The following HYCC1 variants were observed in gnomAD, a reference collection of about 807,000 sequenced individuals.
HYCC1 encodes hyccin.
the HYCC1 span, among the ~76,000 whole-genome samples, chr7:22,926,239 T>C: frequency 2.0e-5 from 3 of 151,966 alleles, no homozygotes; most frequent in African/African-American, 4.8e-5. Context: ...TGCCAAATTG[T>C]AAAGACCATC....
At chr7:22,935,792 T>A in the HYCC1 span, 1 of 151,964 alleles carries the variant, frequency 6.6e-6, no homozygotes, top group African/African-American at 2.4e-5. Flanking sequence ...ATTACAGGCA[T>A]GTGCTACCAG....
the HYCC1 span, among the ~76,000 whole-genome samples, chr7:22,905,393 T>TC: frequency 2.2e-5 from 3 of 138,954 alleles, no homozygotes; most frequent in African/African-American, 8.2e-5. Context: ...TGTATTTTTT[T>TC]TTTTTTTTTT....
chr7:22,895,847 G>A, the HYCC1 span, among the ~76,000 whole-genome samples: 1 of 152,240 alleles, frequency 6.6e-6, no homozygotes, highest in Admixed American at 6.5e-5. Flanking sequence ...CAGCAAGGCT[G>A]TGAAGCTGTT....
the HYCC1 span, among the ~76,000 whole-genome samples, chr7:22,966,152 T>G: frequency 9.9e-5 from 15 of 152,230 alleles, no homozygotes; most frequent in African/African-American, 3.6e-4. Context: ...AATAGGCGTA[T>G]AGTGTGTGTC....
the HYCC1 span, among the ~76,000 whole-genome samples, chr7:22,910,272 T>A: frequency 7.2e-5 from 11 of 152,160 alleles, no homozygotes; most frequent in Non-Finnish European, 1.5e-4. Context: ...ATGAGTGAGT[T>A]CTCATTCTGT....
chr7:22,906,222 G>C, the HYCC1 span, among the ~76,000 whole-genome samples: 2 of 152,102 alleles, frequency 1.3e-5, no homozygotes, highest in Non-Finnish European at 2.9e-5. Flanking sequence ...TTATTCTAAA[G>C]AGGTGGCATT....
the HYCC1 span, among the ~76,000 whole-genome samples, chr7:23,005,618 C>T: frequency 6.6e-6 from 1 of 152,098 alleles, no homozygotes; most frequent in African/African-American, 2.4e-5. Flanking sequence ...ATTCCTTAAC[C>T]CCTTTTACAG....
the HYCC1 span, among the ~76,000 whole-genome samples, chr7:22,968,394 T>A: frequency 6.6e-4 from 100 of 152,262 alleles, no homozygotes; most frequent in African/African-American, 2.3e-3. Context: ...CCATAGGAAA[T>A]GGCAGAATCC....
chr7:22,972,915 A>G, the HYCC1 span, among the ~76,000 whole-genome samples: 1 of 152,152 alleles, frequency 6.6e-6, no homozygotes, highest in African/African-American at 2.4e-5. Flanking sequence ...TGTTTTAATT[A>G]TTTTCATAAC....
At chr7:22,901,582 A>G in the HYCC1 span, among the ~76,000 whole-genome samples, 1 of 152,140 alleles carries the variant, frequency 6.6e-6, no homozygotes, top group Non-Finnish European at 1.5e-5. Flanking sequence ...TCTAGCCCCA[A>G]CTAAGATGGT....
the HYCC1 span, among the ~76,000 whole-genome samples, chr7:22,971,004 G>T: frequency 6.6e-6 from 1 of 152,110 alleles, no homozygotes; most frequent in Non-Finnish European, 1.5e-5. Context: ...ATCCTTTCCG[G>T]AAGGTGTATT....
the HYCC1 span, chr7:22,960,493 G>A: frequency 1.3e-5 from 15 of 1,158,010 alleles, no homozygotes; most frequent in Non-Finnish European, 1.9e-5. Context: ...GATAAAACAT[G>A]ATGCTAAACA....
the HYCC1 span, among the ~76,000 whole-genome samples, chr7:22,962,007 T>C: frequency 6.6e-6 from 1 of 152,016 alleles, no homozygotes; most frequent in Non-Finnish European, 1.5e-5. Context: ...ATAAATTACA[T>C]CAAGAGTGCA....
chr7:23,007,817 C>CA, the HYCC1 span, among the ~76,000 whole-genome samples: 1 of 151,938 alleles, frequency 6.6e-6, no homozygotes, highest in African/African-American at 2.4e-5. Flanking sequence ...ATTCATCAAC[C>CA]AATAGGTAAA....
the HYCC1 span, chr7:22,960,448 TGAGCAGATA>T: frequency 1.3e-6 from 2 of 1,561,716 alleles, no homozygotes; most frequent in African/African-American, 2.8e-5. Context: ...AAGATCAACA[TGAGCAGATA>T]GAGCAGATAT....
chr7:22,998,278 T>G, the HYCC1 span, among the ~76,000 whole-genome samples: 5 of 152,196 alleles, frequency 3.3e-5, no homozygotes, highest in African/African-American at 1.2e-4. Context: ...GGATTTCTAT[T>G]GCAAATATTC....
chr7:22,924,831 G>A, the HYCC1 span, among the ~76,000 whole-genome samples: 2 of 152,234 alleles, frequency 1.3e-5, no homozygotes, highest in Non-Finnish European at 2.9e-5. Context: ...TTTGAAGAGA[G>A]TAGTGGTTCT....
At chr7:22,993,242 A>C in the HYCC1 span, among the ~76,000 whole-genome samples, 1 of 152,206 alleles carries the variant, frequency 6.6e-6, no homozygotes, top group Admixed American at 6.5e-5. Flanking sequence ...AAATAAAAAC[A>C]GTTTCAGTTG....
the HYCC1 span, among the ~76,000 whole-genome samples, chr7:22,950,593 T>G: frequency 2.2e-4 from 34 of 152,146 alleles, no homozygotes; most frequent in African/African-American, 6.5e-4. Flanking sequence ...CTTATGCTAA[T>G]AAGAATTTTT....
Sources: gnomAD v4.1 joint callset for allele counts (sites outside exome capture counted in the v4.1 genomes callset) on GRCh38, gnomAD v4.1.1 for gene constraint, MANE v1.5 for transcripts, NCBI Gene and HGNC (gene_info 2026-07-23, HGNC 2026-07-21) for gene names.